Variants in CTNND2 observed in about 807,000 individuals in gnomAD.
CTNND2 encodes the protein catenin delta 2.
Under a neutral mutation model 144.4 loss-of-function variants are expected in CTNND2, and 22 were observed. The ratio of observed to expected loss-of-function variants is 0.15; its 90% CI spans 0.11 to 0.22. CTNND2 has a LOEUF of 0.22. CTNND2 is among the 10% of genes least tolerant of loss of function. CTNND2 has a pLI of 1.00. For synonymous variants in CTNND2, 751 were observed against 695.6 expected (o/e 1.08, Z -1.25); for missense variants, 1,353 against 1,618.8 (o/e 0.84, Z 2.82).
At chr5:11,404,308 C>T (rs1360773942) in intron 5 of CTNND2, among the ~76,000 whole-genome samples, 1 of 152,214 alleles carries the variant, frequency 6.6e-6, no homozygotes, top group Non-Finnish European at 1.5e-5. Flanking sequence ...CTCTACTCTA[C>T]TGTTGACCTG....
At chr5:11,302,828 G>A (rs1247596241) in intron 9 of CTNND2, among the ~76,000 whole-genome samples, 1 of 152,206 alleles carries the variant, frequency 6.6e-6, no homozygotes, top group Non-Finnish European at 1.5e-5. Flanking sequence ...TTGGTTATGA[G>A]GCAATGCCTG....
chr5:11,831,881 A>G (rs1793922667), intron 1 of CTNND2, among the ~76,000 whole-genome samples: 1 of 152,204 alleles, frequency 6.6e-6, no homozygotes, highest in Admixed American at 6.5e-5. Flanking sequence ...TGTAAAAGTT[A>G]ATATGTACGA....
At chr5:11,507,606 A>G (rs1420652559) in intron 3 of CTNND2, among the ~76,000 whole-genome samples, 1 of 152,238 alleles carries the variant, frequency 6.6e-6, no homozygotes, top group Non-Finnish European at 1.5e-5. Context: ...ACAAGCAGAC[A>G]GCTCTGAGAG....
intron 9 of CTNND2, among the ~76,000 whole-genome samples, chr5:11,244,859 T>G (rs2149917774): frequency 6.6e-6 from 1 of 152,334 alleles, no homozygotes; most frequent in South Asian, 2.1e-4. Context: ...GACTAGAAGG[T>G]GCTCCACCCA....
intron 2 of CTNND2, among the ~76,000 whole-genome samples, chr5:11,698,624 C>T (rs921642832): frequency 2.0e-5 from 3 of 152,078 alleles, no homozygotes; most frequent in African/African-American, 4.8e-5. Context: ...TACACACTTC[C>T]TTTTTTGTCT....
At chr5:11,553,164 T>A (rs1173633646) in intron 3 of CTNND2, among the ~76,000 whole-genome samples, 1 of 152,214 alleles carries the variant, frequency 6.6e-6, no homozygotes, top group East Asian at 1.9e-4. Flanking sequence ...CTATCACTCT[T>A]CTTTTTACTA....
intron 9 of CTNND2, among the ~76,000 whole-genome samples, chr5:11,325,237 C>T (rs1453213107): frequency 6.6e-6 from 1 of 151,944 alleles, no homozygotes; most frequent in Non-Finnish European, 1.5e-5. Flanking sequence ...TAAAATAAAT[C>T]CTATATAGAT....
chr5:11,268,622 C>A (rs936083510), intron 9 of CTNND2, among the ~76,000 whole-genome samples: 2 of 151,878 alleles, frequency 1.3e-5, no homozygotes, highest in African/African-American at 4.8e-5. Context: ...GAAAAAATAA[C>A]ATAAAAATAA....
chr5:11,821,853 A>G (rs1245245784), intron 1 of CTNND2, among the ~76,000 whole-genome samples: 1 of 152,194 alleles, frequency 6.6e-6, no homozygotes, highest in Non-Finnish European at 1.5e-5. Flanking sequence ...TATTTTAACA[A>G]TTTAATTTAG....
Position 11,105,527 on chromosome 5 carries a change from G to A in CTNND2, c.2463+5331C>T, listed in dbSNP as rs118014910. 1.3e-3 allele frequency among the ~76,000 whole-genome samples: 175 copies of A among 139,550 alleles called. 4 individuals carry two copies. In the East Asian group the frequency reaches 0.025, roughly 20 times the overall value. 91.6% of individuals were successfully genotyped at this position (139,550 alleles called of 152,430 possible). ...CCCACATGTGACCAGTGCCGAAGCC[G>A]AGAGGCCCTGGTGAAGTTGTAAAAG... On this transcript the variant is annotated intron_variant, in intron 14 of 21. Transcript: ENST00000304623.
chr5:11,380,134 C>G (rs1442630972), intron 7 of CTNND2, among the ~76,000 whole-genome samples: 1 of 152,220 alleles, frequency 6.6e-6, no homozygotes, highest in Non-Finnish European at 1.5e-5. Context: ...CCCATAGTAA[C>G]TAGCTTCTGT....
chr5:11,640,773 T>C (rs940753435), intron 2 of CTNND2, among the ~76,000 whole-genome samples: 2 of 152,038 alleles, frequency 1.3e-5, no homozygotes, highest in Non-Finnish European at 2.9e-5. Context: ...AGATTTCCAT[T>C]CTTAGGACTG....
chr5:11,632,731 CT>C (rs1407919065), intron 2 of CTNND2, among the ~76,000 whole-genome samples: 2 of 152,036 alleles, frequency 1.3e-5, no homozygotes, highest in Admixed American at 1.3e-4. Context: ...GGAAACCATG[CT>C]TTAAACCATG....
intron 1 of CTNND2, among the ~76,000 whole-genome samples, chr5:11,766,286 G>T (rs895273562): frequency 1.3e-5 from 2 of 152,122 alleles, no homozygotes; most frequent in Admixed American, 6.5e-5. Context: ...GCTCAGAGCC[G>T]CTTGATGTTC....
intron 9 of CTNND2, among the ~76,000 whole-genome samples, chr5:11,330,315 C>CAAAAAAAAAAAAAAAA (rs1257414767): frequency 6.1e-5 from 5 of 82,344 alleles, no homozygotes; most frequent in Admixed American, 1.5e-4. Context: ...ACTAAAAATA[C>CAAAAAAAAAAAAAAAA]AAAAAAAAAA....
chr5:11,457,156 C>T (rs980719046), intron 3 of CTNND2, among the ~76,000 whole-genome samples: 2 of 152,104 alleles, frequency 1.3e-5, no homozygotes, highest in African/African-American at 4.8e-5. Context: ...AATCCTTGCA[C>T]TTTGAGAGGC....
At chr5:11,555,393 C>A (rs1776137761) in intron 3 of CTNND2, among the ~76,000 whole-genome samples, 1 of 152,038 alleles carries the variant, frequency 6.6e-6, no homozygotes, top group African/African-American at 2.4e-5. Context: ...AGTAGAGTGG[C>A]CTTGGACTCT....
intron 3 of CTNND2, among the ~76,000 whole-genome samples, chr5:11,540,379 C>T (rs1462939023): frequency 6.6e-6 from 1 of 152,198 alleles, no homozygotes; most frequent in Non-Finnish European, 1.5e-5. Context: ...TTGTATCTTG[C>T]AGACTCCCTT....
At chr5:11,276,849 A>G (rs189334291) in intron 9 of CTNND2, among the ~76,000 whole-genome samples, 1 of 152,220 alleles carries the variant, frequency 6.6e-6, no homozygotes, top group African/African-American at 2.4e-5. Flanking sequence ...TGGAGTGGTG[A>G]GGCCACAAAC....
Sources: allele counts gnomAD v4.1 joint callset (sites outside exome capture counted in the v4.1 genomes callset), GRCh38; gene constraint gnomAD v4.1.1; transcripts MANE v1.5; gene names NCBI Gene and HGNC (gene_info 2026-07-23, HGNC 2026-07-21).